SGK2: variants seen among roughly 807,000 people sequenced by gnomAD.
The protein encoded by SGK2 is serine/threonine-protein kinase Sgk2.
A neutral mutation model predicts 47.5 loss-of-function variants in SGK2; 36 were observed. The ratio of observed to expected loss-of-function variants is 0.76; its 90% CI spans 0.58 to 1.00. SGK2 has a LOEUF of 1.00. SGK2 is among the 50% of genes least tolerant of loss of function. The pLI, the probability that SGK2 is intolerant of heterozygous loss-of-function variation, is 0.00. For synonymous variants in SGK2, 157 were observed against 181.9 expected, an observed-to-expected ratio of 0.86 and a Z score of 1.10; for missense variants, 404 against 467.4, an observed-to-expected ratio of 0.86 and a Z score of 1.25.
intron 6 of SGK2, 46 bp from the exon 7 acceptor site, chr20:43,570,571 A>G: frequency 7.3e-7 from 1 of 1,371,752 alleles, no homozygotes; most frequent in South Asian, 1.3e-5. Context: ...CCCTAGCCCT[A>G]CAGCAGCCAC....
At chr20:43,579,918 C>T in intron 11 of SGK2, 54 bp from the exon 12 acceptor site, 1 of 1,144,072 alleles carries the variant, frequency 8.7e-7, no homozygotes, top group East Asian at 2.3e-5. Flanking sequence ...GAGGTGAGAG[C>T]ACCCATGGGG....
chr20:43,567,846 G>T, intron 4 of SGK2, 70 bp from the exon 5 acceptor site: 1 of 1,552,436 alleles, frequency 6.4e-7, no homozygotes, highest in South Asian at 1.1e-5. Flanking sequence ...AGGGGCAGGC[G>T]GGAGGCCTTG....
At chr20:43,578,103 TCAACACAA>T (rs1278574462) in intron 11 of SGK2, among the ~76,000 whole-genome samples, 16 of 152,344 alleles carry the variant, frequency 1.1e-4, no homozygotes, top group African/African-American at 3.8e-4. Flanking sequence ...CTTTTTTTAT[TCAACACAA>T]GGTAATTTGG....
chr20:43,562,746 T>C (rs1378109467), intron 1 of SGK2, among the ~76,000 whole-genome samples: 1 of 151,632 alleles, frequency 6.6e-6, no homozygotes, highest in East Asian at 2.0e-4. Flanking sequence ...TCTTAAAAAA[T>C]AAATAAATAA....
At chr20:43,569,688 C>T in intron 6 of SGK2, 172 bp downstream of exon 6, 1 of 668,054 alleles carries the variant, frequency 1.5e-6, no homozygotes, top group Non-Finnish European at 2.5e-6. Flanking sequence ...CTCAAGGCCA[C>T]CCAGCGCATA....
chr20:43,583,445 T>G, intron 12 of SGK2: 1 of 1,186,354 alleles, frequency 8.4e-7, no homozygotes, highest in Non-Finnish European at 1.1e-6. Context: ...CATTCTGATC[T>G]TGGAACTCTG....
Position 43,571,064 on chromosome 20 carries a change from G to GGTGGGGGT in SGK2, c.510+7_510+8insGGGGTGTG, listed in dbSNP as rs796100790. The GGTGGGGGT allele has an allele frequency of 0.016, 25,530 of 1,563,804 alleles. 113 individuals are homozygous for GGTGGGGGT. Among genetic ancestry groups the GGTGGGGGT allele is most frequent in the Middle Eastern group, 0.022 (102 of 4,550 alleles). ...GAACATTCTCTTGGACTGCCAGGTT[G>GGTGGGGGT]GTGTGTGTGTGTGTGTGTGTGTGTG... On this transcript the variant is annotated splice_donor_region_variant and intron_variant, in intron 8 of 12. Coordinates refer to ENST00000373100, the MANE Select transcript of SGK2 (RefSeq NM_170693.3).
At chr20:43,562,143 G>A (rs918963349) in intron 1 of SGK2, among the ~76,000 whole-genome samples, 5 of 152,142 alleles carry the variant, frequency 3.3e-5, no homozygotes, top group Admixed American at 3.3e-4. Flanking sequence ...GCCAGGCGCA[G>A]TGGGTCACGC....
chr20:43,570,550 G>A (rs976859896), intron 6 of SGK2, 67 bp from the exon 7 acceptor site: 14 of 1,050,514 alleles, frequency 1.3e-5, no homozygotes, highest in Admixed American at 4.1e-5. Context: ...ACAGGGCGGG[G>A]AGCAGGTGCA....
intron 1 of SGK2, among the ~76,000 whole-genome samples, chr20:43,561,676 C>T (rs192603071): frequency 1.9e-4 from 29 of 151,858 alleles, no homozygotes; most frequent in African/African-American, 3.4e-4. Context: ...TGTGAGCCAC[C>T]GCGCCCAGCT....
At chr20:43,559,862 T>C (rs998006023) in intron 1 of SGK2, among the ~76,000 whole-genome samples, 1 of 152,074 alleles carries the variant, frequency 6.6e-6, no homozygotes, top group African/African-American at 2.4e-5. Context: ...AGCAGGTCCA[T>C]GTAACAGTGG....
In SGK2 at chr20:43,567,572, A is replaced by AT. The variant is rs549235653; in HGVS notation, c.87-91dup. The stretch of plus-strand genomic sequence containing the variant: ...CCTGGAAGGCTCTCTGTATTTCCCC[A>AT]TTCTAAAGTTAAAAAGAAGCCCAGG... On this transcript the variant is annotated intron_variant, in intron 3 of 12. Coordinates refer to ENST00000373100, the MANE Select transcript of SGK2 (RefSeq NM_170693.3). 1.2e-4 allele frequency: 147 copies of AT among 1,176,714 alleles called. No homozygotes were observed. The African/African-American group carries it at 1.8e-3, about 15-fold the overall frequency. The allele number at this position is 1,176,714 out of a possible 1,614,324, so 72.9% of individuals were successfully genotyped here. A position where few individuals can be genotyped will look rare whatever the true frequency, so the allele number is the denominator to read the frequency against.
intron 1 of SGK2, among the ~76,000 whole-genome samples, chr20:43,562,344 G>A (rs1283730733): frequency 2.0e-5 from 3 of 147,592 alleles, no homozygotes; most frequent in Admixed American, 6.8e-5. Context: ...CTTGAGCCAG[G>A]GAGGTAAAGA....
At chr20:43,566,125 A>T in intron 1 of SGK2, 1 of 510,650 alleles carries the variant, frequency 2.0e-6, no homozygotes, top group Non-Finnish European at 3.5e-6. Flanking sequence ...CCCTGAAAAG[A>T]TCCTTCCAGC....
At chr20:43,584,378 TG>T (rs776351010) in intron 12 of SGK2, among the ~76,000 whole-genome samples, 2 of 152,192 alleles carry the variant, frequency 1.3e-5, no homozygotes, top group Non-Finnish European at 1.5e-5. Flanking sequence ...TGAACATTTT[TG>T]TAATCTCCCT....
intron 11 of SGK2, among the ~76,000 whole-genome samples, chr20:43,579,290 A>G (rs1980651755): frequency 6.6e-6 from 1 of 152,174 alleles, no homozygotes; most frequent in Non-Finnish European, 1.5e-5. Context: ...TGCTGGCACT[A>G]CCAGCGTGAG....
Position 43,585,216 on chromosome 20 carries a change from C to A in SGK2, c.*200C>A. On this transcript the variant is annotated 3_prime_UTR_variant, in exon 13 of 13. Transcript: ENST00000373100. The stretch of plus-strand genomic sequence containing the variant: ...CAGATACTCAGAGGCTGTATCTCTG[C>A]CCTGCCAACCTTGACAAATGGCTTC... 1 of 413,768 alleles carries A rather than the reference C, an allele frequency of 2.4e-6. No individual in the cohort carries two copies. Among genetic ancestry groups the A allele is most frequent in the Non-Finnish European group, 4.4e-6 (1 of 229,754 alleles). 25.6% of individuals were successfully genotyped at this position (413,768 alleles called of 1,614,324 possible).
Position 43,572,690 on chromosome 20 carries a change from AAAAG to A in SGK2, c.597+561_597+564del, listed in dbSNP as rs1363865891. 1.2e-4 allele frequency among the ~76,000 whole-genome samples: 18 copies of A among 152,220 alleles called. No individual in the cohort carries two copies. Among genetic ancestry groups the A allele is most frequent in the African/African-American group, 4.3e-4 (18 of 41,458 alleles). On this transcript the variant is annotated intron_variant, in intron 9 of 12. Coordinates refer to ENST00000373100, the MANE Select transcript of SGK2 (RefSeq NM_170693.3). This position sits in a 1 kb window ranked among gnomAD's most constrained non-coding sequence, Gnocchi z 4.2. ...GAAACTCCATCTCAAAAAAAAAGAAAAAAGAAAGAAATTCAAACCACATAAACAC... is the reference window on the plus strand; with the variant it reads ...GAAACTCCATCTCAAAAAAAAAGAAAAAAGAAATTCAAACCACATAAACAC...
At position 43,571,063 on chromosome 20, in the gene SGK2, TG is replaced by T. The variant is rs1980082514; in HGVS notation, c.510+5del. ...AGAACATTCTCTTGGACTGCCAGGT[TG>T]GTGTGTGTGTGTGTGTGTGTGTGTG... On this transcript the variant is annotated splice_donor_region_variant and intron_variant, in intron 8 of 12. Coordinates refer to ENST00000373100, the MANE Select transcript of SGK2 (RefSeq NM_170693.3). 1 of 1,522,026 alleles carries T rather than the reference TG, an allele frequency of 6.6e-7. No individual in the cohort carries two copies. Among genetic ancestry groups the T allele is most frequent in the Non-Finnish European group, 8.8e-7 (1 of 1,139,138 alleles). The allele number at this position is 1,522,026 out of a possible 1,614,324, so 94.3% of individuals were successfully genotyped here.
Sources: allele counts gnomAD v4.1 joint callset (sites outside exome capture counted in the v4.1 genomes callset), GRCh38; gene constraint gnomAD v4.1.1; non-coding constraint Gnocchi (gnomAD v3.1); transcripts MANE v1.5; gene names NCBI Gene and HGNC (gene_info 2026-07-23, HGNC 2026-07-21).